CELSR3: variants seen among roughly 807,000 people sequenced by gnomAD.
CELSR3 encodes the protein EGF-like protein 1.
CELSR3 carries 73 observed loss-of-function variants against 270.0 expected under a neutral mutation model. That is an observed-to-expected ratio of 0.27 (90% CI 0.22 to 0.33). The LOEUF (loss-of-function observed/expected upper bound fraction) is 0.33, where lower values mean the gene tolerates loss of function less well. Ranked by LOEUF, CELSR3 falls within the 10% of genes least tolerant of loss-of-function variation. The pLI, the probability that CELSR3 is intolerant of heterozygous loss-of-function variation, is 1.00. For missense variants in CELSR3, 3,614 were observed against 4,533.8 expected, an observed-to-expected ratio of 0.80 and a Z score of 5.83; for synonymous variants, 1,780 against 1,905.4, an observed-to-expected ratio of 0.93 and a Z score of 1.71.
At position 48,644,404 on chromosome 3, in the gene CELSR3, G is replaced by T; in HGVS notation, c.8086-109C>A. On this transcript the variant is annotated intron_variant, in intron 26 of 34. Transcript: ENST00000164024. This position sits in a 1 kb window ranked among gnomAD's most constrained non-coding sequence, Gnocchi z 4.8. Reference sequence around the variant, plus strand: ...AGATTCACGGAGAGAGGCAGAACCAGTGAGAAATTCACACATATACACACA... The same window carrying T: ...AGATTCACGGAGAGAGGCAGAACCATTGAGAAATTCACACATATACACACA... 2 of 1,056,296 alleles carry T rather than the reference G, an allele frequency of 1.9e-6. No homozygotes were observed. Among genetic ancestry groups the T allele is most frequent in the Non-Finnish European group, 2.9e-6 (2 of 696,102 alleles). The allele number at this position is 1,056,296 out of a possible 1,614,324, so 65.4% of individuals were successfully genotyped here. A position where few individuals can be genotyped will look rare whatever the true frequency, so the allele number is the denominator to read the frequency against.
chr3:48,649,181 A>C lies in CELSR3; in HGVS notation c.6507T>G (p.Gly2169=). Residue 2169 remains glycine, a synonymous_variant, in exon 17 of 35, where the codon GGT becomes GGG. Coordinates refer to ENST00000164024, the MANE Select transcript of CELSR3 (RefSeq NM_001407.3). ...AAVRLCDEAQ[G]WLEPDLFNCT... ...AGTTGAAGAGGTCGGGCTCCAGCCA[A>C]CCCTGGGCCTCATCACACAGCCGCA... The C allele has an allele frequency of 6.2e-7, 1 of 1,612,000 alleles. No individual in the cohort carries two copies. Among genetic ancestry groups the C allele is most frequent in the Non-Finnish European group, 8.5e-7 (1 of 1,179,382 alleles).
In CELSR3 at chr3:48,645,080, G is replaced by A. The variant is rs150059791; in HGVS notation, c.7927C>T (p.Arg2643Cys). 115 of 1,600,958 alleles carry A rather than the reference G, an allele frequency of 7.2e-5. No homozygotes were observed. The highest frequency in any genetic ancestry group is 5.0e-4 in the Middle Eastern group (3 of 6,018). The change falls in exon 25 of 35, where the codon CGC (arginine) becomes TGC (cysteine). Residue 2643 changes from arginine (R) to cysteine (C), a missense_variant. By Grantham distance (180) the Arg-to-Cys change is radical. Around this residue, in one of 7 missense-constraint regions of CELSR3, gnomAD observed 1,240 missense variants for 1,351.7 expected, o/e 0.92. Coordinates refer to ENST00000164024, the MANE Select transcript of CELSR3 (RefSeq NM_001407.3). This position sits in a 1 kb window ranked among gnomAD's most constrained non-coding sequence, Gnocchi z 5.4. Reference protein sequence around the residue: ...EPRNVDRGAMRFYHALGWGVP... With the variant: ...EPRNVDRGAMCFYHALGWGVP... Reference sequence around the variant, plus strand: ...CCCCAGCCCAGGGCATGGTAGAAGCGCATGGCGCCGCGGTCCACGTTGCGT... The same window carrying A: ...CCCCAGCCCAGGGCATGGTAGAAGCACATGGCGCCGCGGTCCACGTTGCGT...
chr3:48,655,863 G>C lies in CELSR3; in HGVS notation c.4626-12C>G. 1 of 1,456,698 alleles carries C rather than the reference G, an allele frequency of 6.9e-7. No individual in the cohort carries two copies. Among genetic ancestry groups the C allele is most frequent in the Non-Finnish European group, 9.6e-7 (1 of 1,041,634 alleles). 90.2% of individuals were successfully genotyped at this position (1,456,698 alleles called of 1,614,324 possible). On this transcript the variant is annotated splice_polypyrimidine_tract_variant and intron_variant, in intron 3 of 34. Coordinates refer to ENST00000164024, the MANE Select transcript of CELSR3 (RefSeq NM_001407.3). The surrounding 1 kb of genome is among the most constrained non-coding windows in gnomAD (Gnocchi z 5.8). ...GCACTGTCGCGAACCTGGGCGGGGT[G>C]GGAGGGGGTTGCGGGGGTGGGAGCG...
rs2077044988 is a variant in CELSR3 at position 48,658,987 on chromosome 3, C to T, written c.3648G>A (p.Leu1216=). 2 of 1,614,222 alleles carry T rather than the reference C, an allele frequency of 1.2e-6. No homozygotes were observed. Among genetic ancestry groups the T allele is most frequent in the Non-Finnish European group, 1.7e-6 (2 of 1,180,038 alleles). ...LFYSFERGNE[L]QLLVVNQTSG... ...TGGTCTGGTTGACTACCAGCAGCTG[C>T]AGCTCATTGCCACGCTCAAAGGAGT... Residue 1216 remains leucine, a synonymous_variant, in exon 1 of 35, where the codon CTG becomes CTA. Transcript: ENST00000164024. The surrounding 1 kb of genome is among the most constrained non-coding windows in gnomAD (Gnocchi z 4.7).
chr3:48,656,877 G>C lies in CELSR3; in HGVS notation c.4220C>G (p.Ser1407Cys), dbSNP rs757677320. 6 of 1,609,408 alleles carry C rather than the reference G, an allele frequency of 3.7e-6. No individual in the cohort carries two copies. The highest frequency in any genetic ancestry group is 4.2e-6 in the Non-Finnish European group (5 of 1,177,912). Reference protein sequence around the residue: ...DSSAPFLASASTLFRPIQPIA... With the variant: ...DSSAPFLASACTLFRPIQPIA... ...GGGCTGGATGGGTCGGAACAGCGTG[G>C]AGGCCGAGGCCAGGAAGGGCGCGGA... Residue 1407 changes from serine (S) to cysteine (C), a missense_variant, in exon 2 of 35, where the codon TCC (serine) becomes TGC (cysteine). Around this residue, in one of 7 missense-constraint regions of CELSR3, gnomAD observed 1,331 missense variants for 1,933.7 expected, o/e 0.69. Transcript: ENST00000164024.
Position 48,646,739 on chromosome 3 carries a change from C to A in CELSR3, c.7295+24G>T. ...GCCAGGCTGAGAAGTTCGTAGGAAG[C>A]TCAGGGGTGAGGGGCCTGAGTACCT... is the stretch of plus-strand genomic sequence containing the variant. On this transcript the variant is annotated intron_variant, in intron 21 of 34. Coordinates refer to ENST00000164024, the MANE Select transcript of CELSR3 (RefSeq NM_001407.3). This position sits in a 1 kb window ranked among gnomAD's most constrained non-coding sequence, Gnocchi z 4.8. 1 of 1,599,992 alleles carries A rather than the reference C, an allele frequency of 6.3e-7. No individual in the cohort carries two copies. The highest frequency in any genetic ancestry group is 8.5e-7 in the Non-Finnish European group (1 of 1,175,434).
rs1407444915 is a variant in CELSR3, at chr3:48,637,147, G to C, written c.*1058C>G. ...ACAGCAGACAAAATAGCAAAAGTAAGAGTTTTGTGAACAGGGTCGTAACAG... is the reference window on the plus strand; with the variant it reads ...ACAGCAGACAAAATAGCAAAAGTAACAGTTTTGTGAACAGGGTCGTAACAG... On this transcript the variant is annotated 3_prime_UTR_variant, in exon 35 of 35. Transcript: ENST00000164024. 1.3e-5 allele frequency: 2 copies of C among 152,550 alleles called. No homozygotes were observed. The highest frequency in any genetic ancestry group is 2.9e-5 in the Non-Finnish European group (2 of 68,036). 9.4% of individuals were successfully genotyped at this position (152,550 alleles called of 1,614,324 possible). A position where few individuals can be genotyped will look rare whatever the true frequency, so the allele number is the denominator to read the frequency against.
Position 48,639,581 on chromosome 3 carries a change from C to G in CELSR3, c.9911+93G>C. The G allele has an allele frequency of 6.5e-7, 1 of 1,527,230 alleles. No homozygotes were observed. Among genetic ancestry groups the G allele is most frequent in the Non-Finnish European group, 8.9e-7 (1 of 1,124,872 alleles). The allele number at this position is 1,527,230 out of a possible 1,614,324, so 94.6% of individuals were successfully genotyped here. A position where few individuals can be genotyped will look rare whatever the true frequency, so the allele number is the denominator to read the frequency against. ...GGTAGCCCACACCTGTCTGCCAGCC[C>G]TCATCCCCTTCTGTGGCAGAACACA... On this transcript the variant is annotated intron_variant, in intron 34 of 34. Transcript: ENST00000164024. The surrounding 1 kb of genome is among the most constrained non-coding windows in gnomAD (Gnocchi z 4.1).
chr3:48,648,238 G>GCGCCCC, intron 19 of CELSR3, 28 bp downstream of exon 19: 1 of 1,342,630 alleles, frequency 7.4e-7, no homozygotes, highest in Non-Finnish European at 1.1e-6. Flanking sequence ...CCCCTGCTGT[G>GCGCCCC]CCCCGCCCTA....
In CELSR3 at chr3:48,646,903, T is replaced by G. The variant is rs147642588; in HGVS notation, c.7155A>C (p.Glu2385Asp). 6 of 1,559,142 alleles carry G rather than the reference T, an allele frequency of 3.8e-6. No individual in the cohort carries two copies. Among genetic ancestry groups the G allele is most frequent in the Middle Eastern group, 1.7e-4 (1 of 5,904 alleles). Residue 2385 changes from glutamate (E) to aspartate (D), a missense_variant, in exon 21 of 35, where the codon GAA (glutamate) becomes GAC (aspartate). Transcript: ENST00000164024. The surrounding 1 kb of genome is among the most constrained non-coding windows in gnomAD (Gnocchi z 4.8). ...GGACCACACTTGAGGTGGTGGAGTT[T>G]TCTATGCTGCTGCTTGTGGGCAGAA... ...SEVLPTSSSIENSTTSSVVPP... is the reference protein window; with the variant it reads ...SEVLPTSSSIDNSTTSSVVPP...
rs780807727 is a variant in CELSR3 at position 48,640,098 on chromosome 3, G to A, written c.9487C>T (p.Arg3163Trp). 3.4e-5 allele frequency: 54 copies of A among 1,610,880 alleles called. No homozygotes were observed. The highest frequency in any genetic ancestry group is 4.4e-5 in the Non-Finnish European group (52 of 1,179,768). Residue 3163 changes from arginine to tryptophan, a missense_variant, in exon 34 of 35, where the codon CGG becomes TGG. Around this residue, in one of 7 missense-constraint regions of CELSR3, gnomAD observed 1,240 missense variants for 1,351.7 expected, o/e 0.92. Transcript: ENST00000164024. This position sits in a 1 kb window ranked among gnomAD's most constrained non-coding sequence, Gnocchi z 7.5. Reference protein sequence around the residue: ...LSTLPPPRRTRDLDPQPPPLP... With the variant: ...LSTLPPPRRTWDLDPQPPPLP... The stretch of plus-strand genomic sequence containing the variant: ...GGTGGGGGCTGTGGGTCAAGGTCCC[G>A]GGTGCGGCGGGGCGGAGGCAGCGTG...
At position 48,655,649 on chromosome 3, in the gene CELSR3, T is replaced by G; in HGVS notation, c.4741+87A>C. ...GCATGGCGTGGAGTGTGTGCTCAGGTGCACAGTGAAGCAAACCTGAGGGGA... is the reference window on the plus strand; with the variant it reads ...GCATGGCGTGGAGTGTGTGCTCAGGGGCACAGTGAAGCAAACCTGAGGGGA... On this transcript the variant is annotated intron_variant, in intron 4 of 34. Coordinates refer to ENST00000164024, the MANE Select transcript of CELSR3 (RefSeq NM_001407.3). The surrounding 1 kb of genome is among the most constrained non-coding windows in gnomAD (Gnocchi z 5.8). 8.6e-7 allele frequency: 1 copy of G among 1,160,524 alleles called. No homozygotes were observed. The highest frequency in any genetic ancestry group is 1.5e-5 in the African/African-American group (1 of 66,386). The allele number at this position is 1,160,524 out of a possible 1,614,324, so 71.9% of individuals were successfully genotyped here.
In CELSR3 at chr3:48,636,870, C is replaced by G. The variant is rs997996943; in HGVS notation, c.*1335G>C. 1 of 152,198 alleles carries G rather than the reference C, an allele frequency of 6.6e-6. No individual in the cohort carries two copies. Among genetic ancestry groups the G allele is most frequent in the Non-Finnish European group, 1.5e-5 (1 of 68,028 alleles). 9.4% of individuals were successfully genotyped at this position (152,198 alleles called of 1,614,324 possible). A position where few individuals can be genotyped will look rare whatever the true frequency, so the allele number is the denominator to read the frequency against. On this transcript the variant is annotated 3_prime_UTR_variant, in exon 35 of 35. Coordinates refer to ENST00000164024, the MANE Select transcript of CELSR3 (RefSeq NM_001407.3). ...TCTGGATCTGCTGTTAAACGGGACTCAAGGCTGACCTTCGGCCTGGGAGAC... is the reference window on the plus strand; with the variant it reads ...TCTGGATCTGCTGTTAAACGGGACTGAAGGCTGACCTTCGGCCTGGGAGAC...
At position 48,641,791 on chromosome 3, in the gene CELSR3, T is replaced by C. The variant is rs2047028684; in HGVS notation, c.8824+60A>G. ...CCCAACCGCAGGAAAGATGGGGAGC[T>C]GGAGGGATAACAAATGGGGCATCCC... On this transcript the variant is annotated intron_variant, in intron 32 of 34. Transcript: ENST00000164024. The surrounding 1 kb of genome is among the most constrained non-coding windows in gnomAD (Gnocchi z 4.8). The C allele has an allele frequency of 1.4e-6, 2 of 1,394,542 alleles. No homozygotes were observed. Among genetic ancestry groups the C allele is most frequent in the Admixed American group, 3.1e-5 (1 of 32,268 alleles). 86.4% of individuals were successfully genotyped at this position (1,394,542 alleles called of 1,614,324 possible). A position where few individuals can be genotyped will look rare whatever the true frequency, so the allele number is the denominator to read the frequency against.
intron 19 of CELSR3, 44 bp downstream of exon 19, chr3:48,648,222 A>T: frequency 6.3e-7 from 1 of 1,586,774 alleles, no homozygotes; most frequent in Non-Finnish European, 8.6e-7. Flanking sequence ...CTGCCCTTTC[A>T]TGGCCCCCCT....
chr3:48,656,243 A>T lies in CELSR3; in HGVS notation c.4522T>A (p.Phe1508Ile). The T allele has an allele frequency of 6.5e-7, 1 of 1,534,370 alleles. No individual in the cohort carries two copies. The highest frequency in any genetic ancestry group is 8.7e-7 in the Non-Finnish European group (1 of 1,146,126). ...GCCACCTCGCAGCGCGGGCCCTCGA[A>T]GGCGCCGCCTGCCGGGCACTGGCAG... is the stretch of plus-strand genomic sequence containing the variant. ...FRCQCPAGGA[F>I]EGPRCEVAAR... The change falls in exon 3 of 35, where the codon TTC becomes ATC. Residue 1508 changes from phenylalanine to isoleucine, a missense_variant. By Grantham distance (21) the Phe-to-Ile change is conservative. Around this residue, in one of 7 missense-constraint regions of CELSR3, gnomAD observed 1,331 missense variants for 1,933.7 expected, o/e 0.69. Transcript: ENST00000164024.
rs201599804 is a variant in CELSR3 at position 48,640,045 on chromosome 3, G to A, written c.9540C>T (p.Leu3180=). 1 of 1,611,082 alleles carries A rather than the reference G, an allele frequency of 6.2e-7. No individual in the cohort carries two copies. Among genetic ancestry groups the A allele is most frequent in the Non-Finnish European group, 8.5e-7 (1 of 1,179,760 alleles). The change falls in exon 34 of 35, where the codon CTC becomes CTT. Residue 3180 remains leucine, a synonymous_variant. Transcript: ENST00000164024. The surrounding 1 kb of genome is among the most constrained non-coding windows in gnomAD (Gnocchi z 7.5). ...PPLPLSPQRQ[L]SRDPLLPSRP... ...GGGATGGCAAGAGGGGGTCCCTTGA[G>A]AGTTGCCGCTGGGGAGACAGGGGCA... is the stretch of plus-strand genomic sequence containing the variant.
chr3:48,641,639 G>A lies in CELSR3; in HGVS notation c.8825-115C>T. The A allele has an allele frequency of 1.1e-6, 1 of 871,516 alleles. No individual in the cohort carries two copies. Among genetic ancestry groups the A allele is most frequent in the East Asian group, 2.6e-5 (1 of 38,760 alleles). 54.0% of individuals were successfully genotyped at this position (871,516 alleles called of 1,614,324 possible). A position where few individuals can be genotyped will look rare whatever the true frequency, so the allele number is the denominator to read the frequency against. ...TTCTCATTGAGCAGAGGTGGGAACAGGAGGGTATCTCCTCAGAGATCAATG... is the reference window on the plus strand; with the variant it reads ...TTCTCATTGAGCAGAGGTGGGAACAAGAGGGTATCTCCTCAGAGATCAATG... On this transcript the variant is annotated intron_variant, in intron 32 of 34. Coordinates refer to ENST00000164024, the MANE Select transcript of CELSR3 (RefSeq NM_001407.3). This position sits in a 1 kb window ranked among gnomAD's most constrained non-coding sequence, Gnocchi z 4.8.
Position 48,656,301 on chromosome 3 carries a change from GC to G in CELSR3, c.4463del (p.Gly1488AlafsTer71). ...CGCCGTTGGGCGCGTCGGTGCAGGT[GC>G]CCCCGTTGCGGCAGACGCCCGGCAC... Reference protein sequence around the residue: ...RCVPGVCRNGGTCTDAPNGGF... With the variant: ...RCVPGVCRNGXTCTDAPNGGF... On this transcript the variant is annotated frameshift_variant, in exon 3 of 35. Transcript: ENST00000164024. LOFTEE classifies it high-confidence loss of function. 1 of 1,506,228 alleles carries G rather than the reference GC, an allele frequency of 6.6e-7. No individual in the cohort carries two copies. Among genetic ancestry groups the G allele is most frequent in the Admixed American group, 2.2e-5 (1 of 45,350 alleles). 93.3% of individuals were successfully genotyped at this position (1,506,228 alleles called of 1,614,324 possible).
Sources: allele counts gnomAD v4.1 joint callset, GRCh38; gene constraint gnomAD v4.1.1; regional missense constraint gnomAD v4.1.1; non-coding constraint Gnocchi (gnomAD v3.1); transcripts MANE v1.5; gene names NCBI Gene and HGNC (gene_info 2026-07-23, HGNC 2026-07-21).